The following FARS2 variants were observed in gnomAD, a reference collection of about 807,000 sequenced individuals.
The protein encoded by FARS2 is phenylalanine--tRNA ligase, mitochondrial.
FARS2 carries 40 observed loss-of-function variants against 46.4 expected under a neutral mutation model. That is an observed-to-expected ratio of 0.86 (90% CI 0.67 to 1.12). The LOEUF (loss-of-function observed/expected upper bound fraction) is 1.12. Ranked by LOEUF, FARS2 falls within the 50% of genes most tolerant of loss-of-function variation. The probability of loss-of-function intolerance (pLI) is 0.00; values close to 1 mark genes in which losing one functional copy is unlikely to be tolerated. For missense variants in FARS2, 513 were observed against 567.9 expected, an observed-to-expected ratio of 0.90 and a Z score of 0.98; for synonymous variants, 234 against 214.9, an observed-to-expected ratio of 1.09 and a Z score of -0.78.
chr6:5,613,103 T>G, intron 5 of FARS2, 66 bp from the exon 6 acceptor site: 3 of 1,434,698 alleles, frequency 2.1e-6, no homozygotes, highest in East Asian at 4.7e-5. Context: ...CAACTTTTTA[T>G]GAAAAATTTA....
At chr6:5,509,713 G>A (rs377088226) in intron 4 of FARS2, among the ~76,000 whole-genome samples, 6 of 152,314 alleles carry the variant, frequency 3.9e-5, no homozygotes, top group South Asian at 2.1e-4. Context: ...AAGACTGAGC[G>A]TGGGGACTGT....
At chr6:5,340,123 T>G (rs1284607048) in intron 1 of FARS2, among the ~76,000 whole-genome samples, 1 of 152,222 alleles carries the variant, frequency 6.6e-6, no homozygotes, top group Non-Finnish European at 1.5e-5. Context: ...TCACATCTAC[T>G]TATCACAGTG....
chr6:5,481,554 T>C (rs1193207272), intron 4 of FARS2, among the ~76,000 whole-genome samples: 1 of 152,244 alleles, frequency 6.6e-6, no homozygotes, highest in African/African-American at 2.4e-5. Flanking sequence ...TAGTCTAGAA[T>C]CTGTGCCCAT....
intron 5 of FARS2, among the ~76,000 whole-genome samples, chr6:5,558,849 A>G (rs183349898): frequency 7.2e-5 from 11 of 152,254 alleles, no homozygotes; most frequent in African/African-American, 2.7e-4. Context: ...TTTATTAATT[A>G]CAAGTTATAA....
At chr6:5,283,104 G>C (rs1766854768) in intron 1 of FARS2, among the ~76,000 whole-genome samples, 1 of 152,034 alleles carries the variant, frequency 6.6e-6, no homozygotes. Context: ...AGGATATGGT[G>C]GCCCACACCT....
At chr6:5,512,414 T>G (rs994779968) in intron 4 of FARS2, among the ~76,000 whole-genome samples, 1 of 152,132 alleles carries the variant, frequency 6.6e-6, no homozygotes, top group Non-Finnish European at 1.5e-5. Context: ...GGGTCACTAA[T>G]AATTTATTCT....
At chr6:5,724,638 G>T (rs1225898096) in intron 6 of FARS2, among the ~76,000 whole-genome samples, 3 of 152,220 alleles carry the variant, frequency 2.0e-5, no homozygotes, top group Non-Finnish European at 2.9e-5. Flanking sequence ...GCCAGCCGAG[G>T]CTAAGACTGT....
At chr6:5,424,070 G>C (rs1762712308) in intron 3 of FARS2, among the ~76,000 whole-genome samples, 1 of 152,166 alleles carries the variant, frequency 6.6e-6, no homozygotes, top group Non-Finnish European at 1.5e-5. Flanking sequence ...GCAGCCCTGG[G>C]AATCGTGTCT....
chr6:5,594,836 G>C (rs1272701395), intron 5 of FARS2, among the ~76,000 whole-genome samples: 1 of 152,198 alleles, frequency 6.6e-6, no homozygotes, highest in African/African-American at 2.4e-5. Flanking sequence ...CTGTGATGTT[G>C]GGAAAACTGT....
chr6:5,600,916 T>C (rs72817799), intron 5 of FARS2, among the ~76,000 whole-genome samples: 41,893 of 152,050 alleles, frequency 0.28, 6,485 homozygotes, highest in African/African-American at 0.42. Flanking sequence ...ATCCAACCAC[T>C]AGGGTATTAG....
At chr6:5,578,334 C>T (rs556479915) in intron 5 of FARS2, among the ~76,000 whole-genome samples, 1 of 152,136 alleles carries the variant, frequency 6.6e-6, no homozygotes, top group South Asian at 2.1e-4. Context: ...AGGGAGGGAA[C>T]TCTGGGCTGC....
chr6:5,508,179 ACAAT>A (rs1768211255), intron 4 of FARS2, among the ~76,000 whole-genome samples: 2 of 152,236 alleles, frequency 1.3e-5, no homozygotes, highest in African/African-American at 4.8e-5. Context: ...GTCTGGGAAA[ACAAT>A]CAAGTCAGTG....
intron 6 of FARS2, among the ~76,000 whole-genome samples, chr6:5,644,950 A>G (rs929326787): frequency 1.3e-5 from 2 of 152,218 alleles, no homozygotes; most frequent in African/African-American, 4.8e-5. Flanking sequence ...AACATAACCT[A>G]GAAAAGAGAC....
At chr6:5,705,362 G>A (rs935677269) in intron 6 of FARS2, among the ~76,000 whole-genome samples, 4 of 152,256 alleles carry the variant, frequency 2.6e-5, no homozygotes, top group East Asian at 1.9e-4. Flanking sequence ...AAGTGGCAGC[G>A]TGGAGGCCAT....
chr6:5,356,286 T>TA (rs1362051398), intron 1 of FARS2, among the ~76,000 whole-genome samples: 2 of 152,084 alleles, frequency 1.3e-5, no homozygotes, highest in Non-Finnish European at 2.9e-5. Context: ...TCATCTCTAC[T>TA]AAGGATGCAA....
intron 6 of FARS2, among the ~76,000 whole-genome samples, chr6:5,667,708 C>G (rs1443536430): frequency 2.0e-5 from 3 of 152,130 alleles, no homozygotes; most frequent in Non-Finnish European, 4.4e-5. Context: ...GCTGGATAAG[C>G]CCTTAGAACA....
chr6:5,321,219 AG>A (rs1223584956), intron 1 of FARS2, among the ~76,000 whole-genome samples: 9 of 152,182 alleles, frequency 5.9e-5, no homozygotes, highest in African/African-American at 1.9e-4. Context: ...TGTACCTTCC[AG>A]GTGTTAATTT....
chr6:5,771,234 C>A lies in FARS2; in HGVS notation c.1218-57C>A. On this transcript the variant is annotated intron_variant, in intron 6 of 6. Transcript: ENST00000274680. ...TCTGGCCAGGGCAAGCCACACTGCT[C>A]CTTCAGGCACAGCCTTGTTCATCCC... 3 of 1,608,242 alleles carry A rather than the reference C, an allele frequency of 1.9e-6. No individual in the cohort carries two copies. The South Asian group carries it at 3.3e-5, about 18-fold the overall frequency.
chr6:5,680,179 G>C (rs1778961975), intron 6 of FARS2, among the ~76,000 whole-genome samples: 1 of 152,222 alleles, frequency 6.6e-6, no homozygotes, highest in South Asian at 2.1e-4. Flanking sequence ...CAATGCTTAT[G>C]CTCAGAGCAC....
Sources: gnomAD v4.1 joint callset for allele counts (sites outside exome capture counted in the v4.1 genomes callset) on GRCh38, gnomAD v4.1.1 for gene constraint, MANE v1.5 for transcripts, NCBI Gene and HGNC (gene_info 2026-07-23, HGNC 2026-07-21) for gene names.